The following ABTB2 variants were observed in gnomAD, a reference collection of about 807,000 sequenced individuals.
ABTB2 encodes the protein ankyrin repeat and BTB/POZ domain-containing protein 2.
A neutral mutation model predicts 104.1 loss-of-function variants in ABTB2; 56 were observed. The ratio of observed to expected loss-of-function variants is 0.54; its 90% CI spans 0.43 to 0.67. ABTB2 has a LOEUF of 0.67. ABTB2 is among the 30% of genes least tolerant of loss of function. The pLI is 0.00. For missense variants in ABTB2, 1,279 were observed against 1,407.7 expected (o/e 0.91, Z 1.46); for synonymous variants, 606 against 608.2 (o/e 1.00, Z 0.05).
At chr11:34,156,350 G>A (rs563601999) in intron 14 of ABTB2, among the ~76,000 whole-genome samples, 1 of 152,120 alleles carries the variant, frequency 6.6e-6, no homozygotes, top group Non-Finnish European at 1.5e-5. Context: ...GTGCCTCCTG[G>A]AGCCAGGCAG....
chr11:34,217,479 TCAGA>T (rs1853563976), intron 1 of ABTB2, among the ~76,000 whole-genome samples: 1 of 152,178 alleles, frequency 6.6e-6, no homozygotes, highest in Admixed American at 6.5e-5. Flanking sequence ...TGTTTTGTTT[TCAGA>T]CAGAGTCTCA....
intron 1 of ABTB2, among the ~76,000 whole-genome samples, chr11:34,263,808 G>A (rs913756543): frequency 7.2e-5 from 11 of 152,142 alleles, no homozygotes; most frequent in African/African-American, 1.7e-4. Context: ...AGTGACACAC[G>A]ACACACATCA....
chr11:34,326,309 A>G (rs1046966080), intron 1 of ABTB2, among the ~76,000 whole-genome samples: 1 of 152,178 alleles, frequency 6.6e-6, no homozygotes, highest in Non-Finnish European at 1.5e-5. Context: ...CACATAATAG[A>G]TACATTAAAA....
At chr11:34,351,826 C>G (rs1214009996) in intron 1 of ABTB2, among the ~76,000 whole-genome samples, 1 of 152,080 alleles carries the variant, frequency 6.6e-6, no homozygotes, top group Non-Finnish European at 1.5e-5. Context: ...AGGGGTGGCT[C>G]TTCCAGCTGG....
At chr11:34,340,229 G>A (rs1855246523) in intron 1 of ABTB2, among the ~76,000 whole-genome samples, 2 of 152,102 alleles carry the variant, frequency 1.3e-5, no homozygotes, top group Non-Finnish European at 2.9e-5. Flanking sequence ...CATTCTCAAG[G>A]AGAAAATGCG....
intron 1 of ABTB2, among the ~76,000 whole-genome samples, chr11:34,206,562 A>C (rs1853409942): frequency 6.6e-6 from 1 of 152,332 alleles, no homozygotes; most frequent in Admixed American, 6.5e-5. Context: ...CTGTGAGCTC[A>C]GAGTCCAGTG....
At chr11:34,310,913 T>C (rs1854844788) in intron 1 of ABTB2, among the ~76,000 whole-genome samples, 1 of 152,220 alleles carries the variant, frequency 6.6e-6, no homozygotes, top group African/African-American at 2.4e-5. Flanking sequence ...GTGCTGTTTT[T>C]GGAAGGGAAG....
intron 1 of ABTB2, among the ~76,000 whole-genome samples, chr11:34,236,628 G>A (rs1264579198): frequency 6.6e-6 from 1 of 152,182 alleles, no homozygotes; most frequent in Non-Finnish European, 1.5e-5. Context: ...GAGGCCTCAG[G>A]GCCCAAGGCC....
At chr11:34,258,223 A>G (rs1210837936) in intron 1 of ABTB2, among the ~76,000 whole-genome samples, 2 of 152,224 alleles carry the variant, frequency 1.3e-5, no homozygotes, top group African/African-American at 2.4e-5. Context: ...TGATCCCAAC[A>G]GTTCTCCACT....
In ABTB2 at chr11:34,154,226, T is replaced by C. The variant is rs765439060; in HGVS notation, c.2880+39A>G. ...GCCGAGGCCCCCGTGGAGCAGAGCA[T>C]GTGGTGGGAGGTGGCCAGCAGGCAT... On this transcript the variant is annotated intron_variant, in intron 16 of 16. Coordinates refer to ENST00000435224, the MANE Select transcript of ABTB2 (RefSeq NM_145804.3). This position sits in a 1 kb window ranked among gnomAD's most constrained non-coding sequence, Gnocchi z 4.9. 2.7e-6 allele frequency: 4 copies of C among 1,505,400 alleles called. No individual in the cohort carries two copies. The highest frequency in any genetic ancestry group is 2.3e-5 in the South Asian group (2 of 88,248). 93.3% of individuals were successfully genotyped at this position (1,505,400 alleles called of 1,614,324 possible). A position where few individuals can be genotyped will look rare whatever the true frequency, so the allele number is the denominator to read the frequency against.
intron 3 of ABTB2, among the ~76,000 whole-genome samples, chr11:34,177,300 T>C (rs1482481047): frequency 2.0e-5 from 3 of 152,204 alleles, no homozygotes; most frequent in Non-Finnish European, 2.9e-5. Context: ...AAATGCAGTA[T>C]TGATAGTCCT....
chr11:34,347,184 C>T (rs762717848), intron 1 of ABTB2, among the ~76,000 whole-genome samples: 6 of 152,272 alleles, frequency 3.9e-5, no homozygotes, highest in Non-Finnish European at 7.3e-5. Flanking sequence ...GCCTGTAATC[C>T]CAGCACTTTG....
chr11:34,174,274 G>A lies in ABTB2; in HGVS notation c.1245-967C>T, dbSNP rs375095266. Among the ~76,000 whole-genome samples, 108 of 146,316 alleles carry A rather than the reference G, an allele frequency of 7.4e-4. 1 individual carries two copies. The East Asian group carries it at 0.017, about 23-fold the overall frequency. On this transcript the variant is annotated intron_variant, in intron 3 of 16. Coordinates refer to ENST00000435224, the MANE Select transcript of ABTB2 (RefSeq NM_145804.3). The stretch of plus-strand genomic sequence containing the variant: ...CGGGAGGCGGAGCTTGCAGTGAGCT[G>A]AGATCGCGCCACTGCCCTCCAGCCT...
At position 34,152,208 on chromosome 11, in the gene ABTB2, C is replaced by G; in HGVS notation, c.*179G>C. On this transcript the variant is annotated 3_prime_UTR_variant, in exon 17 of 17. Coordinates refer to ENST00000435224, the MANE Select transcript of ABTB2 (RefSeq NM_145804.3). The stretch of plus-strand genomic sequence containing the variant: ...TCCCCTTTGCCCATCAGTGATTGAA[C>G]AAACAGCTCTAGGGCAGAGGAGATG... 1.5e-6 allele frequency: 1 copy of G among 677,136 alleles called. No homozygotes were observed. The highest frequency in any genetic ancestry group is 2.4e-6 in the Non-Finnish European group (1 of 409,110). The allele number at this position is 677,136 out of a possible 1,614,324, so 41.9% of individuals were successfully genotyped here.
In ABTB2 at chr11:34,273,104, A is replaced by T. The variant is rs541569706; in HGVS notation, c.884-68414T>A. Among the ~76,000 whole-genome samples the T allele has an allele frequency of 4.7e-4, 72 of 152,210 alleles. No homozygotes were observed. In the South Asian group the frequency reaches 0.013, roughly 27 times the overall value. On this transcript the variant is annotated intron_variant, in intron 1 of 16. Transcript: ENST00000435224. ...TTTTAGCTTTTTTTAAATTAAAAAA[A>T]TTTTTTTAAATTTTTTGTTATAATT...
rs1327196944 is a variant in ABTB2 at position 34,335,774 on chromosome 11, T to G, written c.883+20927A>C. ...CCATTGAGGTGACAATCAAAACCTA[T>G]GATCCCAGGAAGCTTGAACCTCTGA... On this transcript the variant is annotated intron_variant, in intron 1 of 16. Transcript: ENST00000435224. 6.5e-6 allele frequency: 9 copies of G among 1,382,446 alleles called. 1 individual carries two copies. The highest frequency in any genetic ancestry group is 9.3e-6 in the Non-Finnish European group (9 of 970,546). The allele number at this position is 1,382,446 out of a possible 1,614,324, so 85.6% of individuals were successfully genotyped here.
intron 1 of ABTB2, among the ~76,000 whole-genome samples, chr11:34,208,602 C>T (rs1031458880): frequency 2.6e-5 from 4 of 152,124 alleles, no homozygotes; most frequent in Non-Finnish European, 4.4e-5. Context: ...ACACAGAACC[C>T]TAATCTTCCA....
At chr11:34,263,605 ACT>A (rs1303354845) in intron 1 of ABTB2, among the ~76,000 whole-genome samples, 1 of 152,032 alleles carries the variant, frequency 6.6e-6, no homozygotes. Flanking sequence ...CAGGTGGCTG[ACT>A]CATTCTTGCA....
At chr11:34,171,142 G>A in intron 4 of ABTB2, 71 bp from the exon 5 acceptor site, 5 of 1,531,100 alleles carry the variant, frequency 3.3e-6, no homozygotes, top group Non-Finnish European at 4.5e-6. Flanking sequence ...TGACACACAT[G>A]TGTGAGCTTT....
Sources: gnomAD v4.1 joint callset for allele counts (sites outside exome capture counted in the v4.1 genomes callset) on GRCh38, gnomAD v4.1.1 for gene constraint, Gnocchi (gnomAD v3.1) non-coding constraint, MANE v1.5 for transcripts, NCBI Gene and HGNC (gene_info 2026-07-23, HGNC 2026-07-21) for gene names.